CTXN2: variants seen among roughly 807,000 people sequenced by gnomAD.
The protein encoded by CTXN2 is cortexin-2.
Under a neutral mutation model 5.7 loss-of-function variants are expected in CTXN2, and 3 were observed. The observed-to-expected ratio is 0.53, with a 90% CI of 0.24 to 1.36. CTXN2 has a LOEUF of 1.36. CTXN2 is among the 40% of genes most tolerant of loss of function. The probability of loss-of-function intolerance (pLI) is 0.17; values close to 1 mark genes in which losing one functional copy is unlikely to be tolerated. For synonymous variants in CTXN2, 38 were observed against 36.4 expected, an observed-to-expected ratio of 1.04 and a Z score of -0.16; for missense variants, 87 against 93.0, an observed-to-expected ratio of 0.94 and a Z score of 0.26.
At chr15:48,181,249 T>C (rs75597648) in intron 1 of CTXN2, among the ~76,000 whole-genome samples, 6,759 of 152,272 alleles carry the variant, frequency 0.044, 504 homozygotes, top group African/African-American at 0.16. Context: ...TTCACAGTCA[T>C]CGTGAAGTCA....
intron 1 of CTXN2, among the ~76,000 whole-genome samples, chr15:48,199,662 T>C (rs1284149120): frequency 6.6e-6 from 1 of 152,188 alleles, no homozygotes; most frequent in Non-Finnish European, 1.5e-5. Flanking sequence ...TCCAGTTAAG[T>C]CTCAGAGTCA....
chr15:48,197,846 A>T (rs1314986110), intron 1 of CTXN2, among the ~76,000 whole-genome samples: 1 of 152,122 alleles, frequency 6.6e-6, no homozygotes, highest in African/African-American at 2.4e-5. Context: ...GACTCTGCAT[A>T]TCTACTCATT....
intron 1 of CTXN2, among the ~76,000 whole-genome samples, chr15:48,184,340 G>C (rs978747934): frequency 6.6e-6 from 1 of 152,154 alleles, no homozygotes; most frequent in African/African-American, 2.4e-5. Context: ...ATATACAACT[G>C]TTCATTCTTT....
In CTXN2 at chr15:48,196,996, A is replaced by G. The variant is rs567139796; in HGVS notation, c.-57-4248A>G. ...CTAAACATTATTCTACTGAAGTATT[A>G]TCCGCTTACATTGTTTGATTTTTTT... On this transcript the variant is annotated intron_variant, in intron 1 of 1. Coordinates refer to ENST00000417307, the MANE Select transcript of CTXN2 (RefSeq NM_001145668.2). Among the ~76,000 whole-genome samples the G allele has an allele frequency of 4.3e-5, 6 of 141,084 alleles. No individual in the cohort carries two copies. In the South Asian group the frequency reaches 1.4e-3, roughly 33 times the overall value. 92.6% of individuals were successfully genotyped at this position (141,084 alleles called of 152,430 possible). A position where few individuals can be genotyped will look rare whatever the true frequency, so the allele number is the denominator to read the frequency against.
intron 1 of CTXN2, among the ~76,000 whole-genome samples, chr15:48,192,935 A>C (rs2040838113): frequency 6.6e-6 from 1 of 152,196 alleles, no homozygotes; most frequent in African/African-American, 2.4e-5. Flanking sequence ...TATCTCTAGT[A>C]AGGTTATTTC....
chr15:48,198,073 C>A (rs1373909758), intron 1 of CTXN2, among the ~76,000 whole-genome samples: 1 of 152,062 alleles, frequency 6.6e-6, no homozygotes, highest in African/African-American at 2.4e-5. Context: ...TGGCTATATA[C>A]CTTTCCTTAG....
chr15:48,186,750 A>T (rs539497338), upstream of CTXN2, among the ~76,000 whole-genome samples: 48 of 152,032 alleles, frequency 3.2e-4, no homozygotes, highest in Non-Finnish European at 4.7e-4. Flanking sequence ...AATACAAAAA[A>T]AAAATAAAAA....
upstream of CTXN2, among the ~76,000 whole-genome samples, chr15:48,191,273 G>A (rs993669537): frequency 6.6e-6 from 1 of 152,176 alleles, no homozygotes; most frequent in Non-Finnish European, 1.5e-5. Context: ...CAAAATGCCC[G>A]CAGCACAGCC....
Position 48,201,489 on chromosome 15 carries a change from A to G in CTXN2, c.189A>G (p.Thr63=), listed in dbSNP as rs1471882149. Residue 63 remains threonine (T), a synonymous_variant, in exon 2 of 2, where the codon ACA becomes ACG. Transcript: ENST00000417307. ...CATATAGTAGCATGCCTTCCTCTAC[A>G]TGGGAAGATGAAGTTGAAGAGTTTG... is the stretch of plus-strand genomic sequence containing the variant. ...LDPYSSMPSS[T]WEDEVEEFDK... 1 of 1,551,228 alleles carries G rather than the reference A, an allele frequency of 6.4e-7. No individual in the cohort carries two copies. The highest frequency in any genetic ancestry group is 2.0e-5 in the Admixed American group (1 of 50,996).
In CTXN2 at chr15:48,202,565, G is replaced by T. The variant is rs992013395; in HGVS notation, c.*1019G>T. The T allele has an allele frequency of 6.0e-6, 1 of 166,976 alleles. No individual in the cohort carries two copies. Among genetic ancestry groups the T allele is most frequent in the African/African-American group, 2.4e-5 (1 of 41,440 alleles). The allele number at this position is 166,976 out of a possible 1,614,324, so 10.3% of individuals were successfully genotyped here. A position where few individuals can be genotyped will look rare whatever the true frequency, so the allele number is the denominator to read the frequency against. ...AAGTTACCTAAAGGGAACCTATATT[G>T]CACAACAAGAATTAAGAAACCCATC... is the stretch of plus-strand genomic sequence containing the variant. On this transcript the variant is annotated 3_prime_UTR_variant, in exon 2 of 2. Coordinates refer to ENST00000417307, the MANE Select transcript of CTXN2 (RefSeq NM_001145668.2).
rs1462528729 is a variant in CTXN2, at chr15:48,201,921, C to A, written c.*375C>A. On this transcript the variant is annotated 3_prime_UTR_variant, in exon 2 of 2. Transcript: ENST00000417307. ...ATCCCCTCCACATTCCTGACTCAGA[C>A]CCCTTTAGCTTTAGTGAGTCAGGTC... is the stretch of plus-strand genomic sequence containing the variant. The A allele has an allele frequency of 2.6e-5, 6 of 234,750 alleles. No individual in the cohort carries two copies. The Admixed American group carries it at 3.1e-4, about 12-fold the overall frequency. 14.5% of individuals were successfully genotyped at this position (234,750 alleles called of 1,614,324 possible).
intron 1 of CTXN2, among the ~76,000 whole-genome samples, chr15:48,200,306 T>A (rs1426952259): frequency 6.6e-6 from 1 of 152,208 alleles, no homozygotes; most frequent in Non-Finnish European, 1.5e-5. Context: ...ATTAAATTTA[T>A]CTTTATTTGT....
At chr15:48,186,441 A>G (rs1273672992) in intron 1 of CTXN2, among the ~76,000 whole-genome samples, 1 of 152,172 alleles carries the variant, frequency 6.6e-6, no homozygotes, top group Non-Finnish European at 1.5e-5. Context: ...ACAAAATCCC[A>G]CACAGTCATT....
Position 48,201,663 on chromosome 15 carries a change from T to G in CTXN2, c.*117T>G. On this transcript the variant is annotated 3_prime_UTR_variant, in exon 2 of 2. Transcript: ENST00000417307. ...TTTTGTTCAGTGAATTCAATAAACA[T>G]CTGTGACTAATTTCTTCACCATGCT... is the stretch of plus-strand genomic sequence containing the variant. 1 of 954,276 alleles carries G rather than the reference T, an allele frequency of 1.0e-6. No homozygotes were observed. Among genetic ancestry groups the G allele is most frequent in the East Asian group, 2.6e-5 (1 of 37,980 alleles). The allele number at this position is 954,276 out of a possible 1,614,324, so 59.1% of individuals were successfully genotyped here.
At chr15:48,193,178 A>G (rs2040840924) in intron 1 of CTXN2, among the ~76,000 whole-genome samples, 1 of 152,154 alleles carries the variant, frequency 6.6e-6, no homozygotes, top group East Asian at 1.9e-4. Context: ...ACTCATCAGT[A>G]CTTAGAAATC....
At chr15:48,199,845 A>G (rs1228078386) in intron 1 of CTXN2, among the ~76,000 whole-genome samples, 1 of 152,190 alleles carries the variant, frequency 6.6e-6, no homozygotes, top group Non-Finnish European at 1.5e-5. Context: ...AAAGAAACTC[A>G]ACAGGGGTTT....
At chr15:48,196,641 A>G (rs1238285553) in intron 1 of CTXN2, among the ~76,000 whole-genome samples, 1 of 152,066 alleles carries the variant, frequency 6.6e-6, no homozygotes, top group African/African-American at 2.4e-5. Context: ...TGTCCATGCT[A>G]TTTCTCTGAT....
chr15:48,180,812 G>GGTTTTTT (rs1404221344), intron 1 of CTXN2, among the ~76,000 whole-genome samples: 5 of 152,168 alleles, frequency 3.3e-5, no homozygotes, highest in African/African-American at 4.8e-5. Flanking sequence ...GCCCGGCCTT[G>GGTTTTTT]GTTTTTTGTT....
At chr15:48,195,793 T>G (rs528069959) in intron 1 of CTXN2, among the ~76,000 whole-genome samples, 1 of 152,248 alleles carries the variant, frequency 6.6e-6, no homozygotes, top group African/African-American at 2.4e-5. Flanking sequence ...GTGGGTGTTG[T>G]GGGAATAAAA....
Sources: allele counts gnomAD v4.1 joint callset (sites outside exome capture counted in the v4.1 genomes callset), GRCh38; gene constraint gnomAD v4.1.1; transcripts MANE v1.5; gene names NCBI Gene and HGNC (gene_info 2026-07-23, HGNC 2026-07-21).